Variants in ALMS1 observed in about 807,000 individuals in gnomAD.
ALMS1 encodes ALMS1 centrosome and basal body associated protein.
Under a neutral mutation model 352.2 loss-of-function variants are expected in ALMS1, and 271 were observed. The ratio of observed to expected loss-of-function variants is 0.77; its 90% CI spans 0.70 to 0.85. The LOEUF (loss-of-function observed/expected upper bound fraction) is 0.85. ALMS1 is among the 40% of genes least tolerant of loss of function. The pLI is 0.00. For missense variants in ALMS1, 5,445 were observed against 4,870.7 expected (o/e 1.12, Z -3.51); for synonymous variants, 1,865 against 1,761.2 (o/e 1.06, Z -1.48).
chr2:73,568,977 TTGC>T (rs199746489), intron 15 of ALMS1, among the ~76,000 whole-genome samples: 2 of 147,966 alleles, frequency 1.4e-5, no homozygotes, highest in Non-Finnish European at 1.5e-5. Context: ...TTCAGCTTGC[TTGC>T]TGCTGCTTCT....
chr2:73,604,713 T>A (rs1815027), intron 21 of ALMS1, among the ~76,000 whole-genome samples: 1 of 152,018 alleles, frequency 6.6e-6, no homozygotes, highest in Non-Finnish European at 1.5e-5. Context: ...TCCTGGAAGT[T>A]GCTGAGACCC....
At chr2:73,410,387 CA>C (rs1018252556) in intron 2 of ALMS1, among the ~76,000 whole-genome samples, 7 of 151,202 alleles carry the variant, frequency 4.6e-5, no homozygotes, top group Non-Finnish European at 8.9e-5. Flanking sequence ...AGACTTGTCT[CA>C]AAAAAAAGCA....
At chr2:73,603,593 C>A (rs1675748637) in intron 21 of ALMS1, 3 of 377,960 alleles carry the variant, frequency 7.9e-6, no homozygotes, top group Admixed American at 3.8e-5. Flanking sequence ...GGTACGGTGG[C>A]TCATGCCTGT....
chr2:73,542,308 A>G (rs1674202688), intron 12 of ALMS1, among the ~76,000 whole-genome samples: 1 of 152,220 alleles, frequency 6.6e-6, no homozygotes, highest in African/African-American at 2.4e-5. Context: ...GCCTTTGACA[A>G]AATTCAACAA....
intron 2 of ALMS1, among the ~76,000 whole-genome samples, chr2:73,414,388 A>G (rs1052315178): frequency 4.0e-5 from 5 of 124,622 alleles, no homozygotes; most frequent in African/African-American, 1.8e-4. Context: ...TTAAAAAAAT[A>G]TTTCCTTTAG....
chr2:73,574,003 T>A (rs1573032146), intron 16 of ALMS1, among the ~76,000 whole-genome samples: 1 of 152,282 alleles, frequency 6.6e-6, no homozygotes, highest in East Asian at 1.9e-4. Flanking sequence ...GCCTTGTGGA[T>A]GTGGTCGCTA....
intron 7 of ALMS1, among the ~76,000 whole-genome samples, chr2:73,446,007 C>T (rs1365528190): frequency 4.6e-5 from 7 of 152,078 alleles, no homozygotes. Context: ...TTTTATAAAT[C>T]ATAGTTAATG....
rs186141821 is a variant in ALMS1 at position 73,599,412 on chromosome 2, T to C, written c.11559T>C (p.His3853=). ...TTTTATTTTTCTAGGTAGCAAACCA[T>C]GTGATTTCTTCTGACTCTATTTCCT... is the stretch of plus-strand genomic sequence containing the variant. ...TRRRHIQVAN[H]VISSDSISSS... is the part of the protein sequence containing the mutation. Residue 3853 remains histidine (H), a synonymous_variant, in exon 17 of 23, where the codon CAT becomes CAC. Coordinates refer to ENST00000613296, the MANE Select transcript of ALMS1 (RefSeq NM_001378454.1). 2.5e-6 allele frequency: 4 copies of C among 1,613,134 alleles called. No homozygotes were observed. The highest frequency in any genetic ancestry group is 3.3e-5 in the Admixed American group (2 of 60,000).
chr2:73,390,612 T>C (rs1269584709), intron 1 of ALMS1, among the ~76,000 whole-genome samples: 2 of 152,188 alleles, frequency 1.3e-5, no homozygotes, highest in Non-Finnish European at 2.9e-5. Context: ...ATGTTGTTTT[T>C]ATGCTGGTCC....
chr2:73,553,086 C>T (rs1055255936), intron 13 of ALMS1, among the ~76,000 whole-genome samples: 2 of 151,942 alleles, frequency 1.3e-5, no homozygotes, highest in Non-Finnish European at 2.9e-5. Context: ...AAATACACAC[C>T]GAGGCACATG....
chr2:73,507,883 A>G (rs980237550), intron 10 of ALMS1, among the ~76,000 whole-genome samples: 20 of 152,000 alleles, frequency 1.3e-4, no homozygotes, highest in Non-Finnish European at 2.4e-4. Flanking sequence ...TGTCGATTTT[A>G]GATCTTTCCT....
intron 1 of ALMS1, among the ~76,000 whole-genome samples, chr2:73,392,260 ATGTGTGTGTGTG>A (rs60487895): frequency 6.8e-4 from 99 of 146,460 alleles, no homozygotes; most frequent in East Asian, 4.6e-3. Context: ...GTTTACTTTG[ATGTGTGTGTGTG>A]TGTGTGTGTG....
chr2:73,503,747 C>T (rs1313329704), intron 10 of ALMS1, among the ~76,000 whole-genome samples: 1 of 152,138 alleles, frequency 6.6e-6, no homozygotes, highest in Non-Finnish European at 1.5e-5. Flanking sequence ...TTTCCATGTC[C>T]TCTTTATCAC....
intron 2 of ALMS1, among the ~76,000 whole-genome samples, chr2:73,413,551 A>G (rs1288202559): frequency 3.9e-5 from 6 of 152,180 alleles, no homozygotes; most frequent in Non-Finnish European, 5.9e-5. Flanking sequence ...AGATACCAGT[A>G]ATAGTCCCCC....
At chr2:73,514,202 A>G (rs2103950084) in intron 10 of ALMS1, among the ~76,000 whole-genome samples, 1 of 152,278 alleles carries the variant, frequency 6.6e-6, no homozygotes, top group Non-Finnish European at 1.5e-5. Context: ...TAACTGAGAT[A>G]TTTAGTTCAT....
intron 1 of ALMS1, among the ~76,000 whole-genome samples, chr2:73,392,973 C>T (rs1333567561): frequency 6.6e-6 from 1 of 152,142 alleles, no homozygotes; most frequent in African/African-American, 2.4e-5. Context: ...TCCAGTTTCT[C>T]CACATCCTTA....
chr2:73,572,317 A>G lies in ALMS1; in HGVS notation c.10440A>G (p.Ala3480=), dbSNP rs375046790. Residue 3480 remains alanine (A), a synonymous_variant, in exon 16 of 23, where the codon GCA becomes GCG. Coordinates refer to ENST00000613296, the MANE Select transcript of ALMS1 (RefSeq NM_001378454.1). ...CTACCCGTTCTGTCTTCAGGTCAGC[A>G]AAGTTTTACATTCATCATCCCGTAC... ...ENTTRSVFRS[A]KFYIHHPVHL... 6.2e-6 allele frequency: 10 copies of G among 1,606,168 alleles called. No homozygotes were observed. Among genetic ancestry groups the G allele is most frequent in the Middle Eastern group, 1.7e-4 (1 of 6,014 alleles).
intron 18 of ALMS1, 136 bp from the exon 19 acceptor site, chr2:73,601,059 G>C (rs977907934): frequency 6.8e-7 from 1 of 1,472,412 alleles, no homozygotes; most frequent in East Asian, 2.3e-5. Flanking sequence ...AGCAAAACCA[G>C]ACTCAAGGGC....
intron 10 of ALMS1, among the ~76,000 whole-genome samples, chr2:73,506,476 G>T (rs780719685): frequency 9.2e-5 from 14 of 152,154 alleles, no homozygotes; most frequent in Non-Finnish European, 1.6e-4. Context: ...GCAGTGGTTT[G>T]TAGGTCTCCT....
Sources: gnomAD v4.1 joint callset for allele counts (sites outside exome capture counted in the v4.1 genomes callset) on GRCh38, gnomAD v4.1.1 for gene constraint, MANE v1.5 for transcripts, NCBI Gene and HGNC (gene_info 2026-07-23, HGNC 2026-07-21) for gene names.